The following ZNF516 variants were observed in gnomAD, a reference collection of about 807,000 sequenced individuals.
ZNF516 encodes zinc finger protein 516.
A neutral mutation model predicts 79.7 loss-of-function variants in ZNF516; 19 were observed. That is an observed-to-expected ratio of 0.24 (90% confidence interval 0.17 to 0.35). The LOEUF (loss-of-function observed/expected upper bound fraction) is 0.35, where lower values mean the gene tolerates loss of function less well. Among genes scored for constraint, ZNF516 ranks in the 10% least tolerant of loss-of-function variants. ZNF516 has a pLI of 1.00. For missense variants in ZNF516, 1,678 were observed against 1,679.5 expected (o/e 1.00, Z 0.02); for synonymous variants, 877 against 739.5 (o/e 1.19, Z -3.02).
At chr18:76,462,208 C>T (rs72982100) in intron 2 of ZNF516, among the ~76,000 whole-genome samples, 4,462 of 152,240 alleles carry the variant, frequency 0.029, 80 homozygotes, top group Non-Finnish European at 0.044. Context: ...CAGTGGGGAG[C>T]GGGCAGGACT....
intron 1 of ZNF516, chr18:76,491,109 G>T: frequency 1.0e-6 from 1 of 982,738 alleles, no homozygotes; most frequent in Non-Finnish European, 1.2e-6. Context: ...CTTTCCCACC[G>T]CCCCACCTCC....
intron 1 of ZNF516, among the ~76,000 whole-genome samples, chr18:76,488,711 T>G (rs1260923731): frequency 1.3e-5 from 2 of 152,236 alleles, no homozygotes; most frequent in Non-Finnish European, 2.9e-5. Flanking sequence ...ATCAAATAAA[T>G]TTAACTTTCT....
At chr18:76,424,404 TG>T in intron 3 of ZNF516, among the ~76,000 whole-genome samples, 1 of 117,540 alleles carries the variant, frequency 8.5e-6, no homozygotes, top group East Asian at 2.7e-4. Flanking sequence ...CACACGCAGG[TG>T]AAAAGGCTCC....
intron 6 of ZNF516, among the ~76,000 whole-genome samples, chr18:76,370,162 A>C (rs1210723581): frequency 1.3e-5 from 2 of 152,208 alleles, no homozygotes; most frequent in Non-Finnish European, 2.9e-5. Flanking sequence ...ACACAAAAAT[A>C]ATGTTCTTCA....
chr18:76,362,671 T>C, intron 6 of ZNF516, 114 bp from the exon 7 acceptor site: 1 of 1,102,504 alleles, frequency 9.1e-7, no homozygotes, highest in Non-Finnish European at 1.3e-6. Context: ...ACAATGACCT[T>C]CACAAAGCAA....
intron 4 of ZNF516, among the ~76,000 whole-genome samples, chr18:76,375,680 G>T (rs902267233): frequency 6.7e-6 from 1 of 150,292 alleles, no homozygotes; most frequent in Non-Finnish European, 1.5e-5. Context: ...GGATGGATGG[G>T]AAGGCCCCGA....
intron 3 of ZNF516, among the ~76,000 whole-genome samples, chr18:76,417,762 C>T (rs117531495): frequency 0.011 from 1,707 of 152,204 alleles, 18 homozygotes; most frequent in Non-Finnish European, 0.015. Context: ...TATGGAATTA[C>T]GACTACCATT....
At chr18:76,460,104 A>G (rs1447364039) in intron 2 of ZNF516, among the ~76,000 whole-genome samples, 2 of 152,136 alleles carry the variant, frequency 1.3e-5, no homozygotes, top group Non-Finnish European at 2.9e-5. Flanking sequence ...CCTACCAAAC[A>G]CAGCAAGGGG....
At chr18:76,447,732 T>C (rs1349345768) in intron 2 of ZNF516, among the ~76,000 whole-genome samples, 1 of 152,200 alleles carries the variant, frequency 6.6e-6, no homozygotes, top group African/African-American at 2.4e-5. Context: ...CAATCACAGA[T>C]TTGTTGTTCT....
At chr18:76,414,936 G>A (rs1212491102) in intron 3 of ZNF516, among the ~76,000 whole-genome samples, 1 of 152,096 alleles carries the variant, frequency 6.6e-6, no homozygotes, top group Non-Finnish European at 1.5e-5. Context: ...GGTGGCTCAC[G>A]CCTGTAATCT....
chr18:76,404,946 G>T (rs201041457), intron 3 of ZNF516, among the ~76,000 whole-genome samples: 1 of 152,128 alleles, frequency 6.6e-6, no homozygotes, highest in African/African-American at 2.4e-5. Flanking sequence ...CCTAAGCCAC[G>T]GTCGATGGTC....
In ZNF516 at chr18:76,404,665, G is replaced by A. The variant is rs1302764215; in HGVS notation, c.1811-24362C>T. ...GATGCATGTGCATGTGTACATGGGT[G>A]AGCGTGAGTTTGTGCCTGTGAGCAT... On this transcript the variant is annotated intron_variant, in intron 3 of 6. Coordinates refer to ENST00000443185, the MANE Select transcript of ZNF516 (RefSeq NM_014643.4). 3.3e-5 allele frequency among the ~76,000 whole-genome samples: 5 copies of A among 152,326 alleles called. No homozygotes were observed. In the South Asian group the frequency reaches 8.3e-4, roughly 25 times the overall value.
At chr18:76,414,832 G>A (rs2075413090) in intron 3 of ZNF516, among the ~76,000 whole-genome samples, 1 of 152,266 alleles carries the variant, frequency 6.6e-6, no homozygotes, top group Admixed American at 6.5e-5. Context: ...TGATACGTGT[G>A]TGCACACACA....
rs1481554818 is a variant in ZNF516 at position 76,493,111 on chromosome 18, T to C, written c.-272+2033A>G. On this transcript the variant is annotated intron_variant, in intron 1 of 6. Transcript: ENST00000443185. The surrounding 1 kb of genome is among the most constrained non-coding windows in gnomAD (Gnocchi z 5.2). ...AAGCTGTTTCCTTTTTTTTTTTTCC[T>C]CCTCTCCTCCCTACCGTTTCATTTA... The C allele has an allele frequency of 9.2e-6, 9 of 980,328 alleles. No homozygotes were observed. The East Asian group carries it at 1.0e-3, about 112-fold the overall frequency. The allele number at this position is 980,328 out of a possible 1,614,324, so 60.7% of individuals were successfully genotyped here. A position where few individuals can be genotyped will look rare whatever the true frequency, so the allele number is the denominator to read the frequency against.
At chr18:76,443,306 A>G in intron 2 of ZNF516, 95 bp from the exon 3 acceptor site, 2 of 483,290 alleles carry the variant, frequency 4.1e-6, no homozygotes, top group Non-Finnish European at 7.2e-6. Flanking sequence ...AAACATACCC[A>G]TCCAACCCAC....
At chr18:76,454,231 C>A (rs1912587059) in intron 2 of ZNF516, among the ~76,000 whole-genome samples, 1 of 152,200 alleles carries the variant, frequency 6.6e-6, no homozygotes, top group Non-Finnish European at 1.5e-5. Context: ...AGAGGAAAAA[C>A]AAACACGTCA....
chr18:76,414,567 G>A (rs745689223), intron 3 of ZNF516, among the ~76,000 whole-genome samples: 3 of 152,134 alleles, frequency 2.0e-5, no homozygotes, highest in Non-Finnish European at 1.5e-5. Flanking sequence ...TACTACTGTC[G>A]ATCAAAATTC....
At chr18:76,395,452 G>T (rs1450658762) in intron 3 of ZNF516, among the ~76,000 whole-genome samples, 1 of 152,214 alleles carries the variant, frequency 6.6e-6, no homozygotes, top group Non-Finnish European at 1.5e-5. Context: ...ATGAGACAGT[G>T]CACAGGAAAC....
intron 3 of ZNF516, among the ~76,000 whole-genome samples, chr18:76,402,855 C>A (rs2075249896): frequency 6.6e-6 from 1 of 152,244 alleles, no homozygotes. Flanking sequence ...AAGTGATGAA[C>A]TGATGCCCTC....
Sources: gnomAD v4.1 joint callset for allele counts (sites outside exome capture counted in the v4.1 genomes callset) on GRCh38, gnomAD v4.1.1 for gene constraint, Gnocchi (gnomAD v3.1) non-coding constraint, MANE v1.5 for transcripts, NCBI Gene and HGNC (gene_info 2026-07-23, HGNC 2026-07-21) for gene names.